DNAJC12: variants seen among roughly 807,000 people sequenced by gnomAD.
DNAJC12 encodes the protein DnaJ heat shock protein family (Hsp40) member C12, also known as dnaJ homolog subfamily C member 12.
Under a neutral mutation model 28.5 loss-of-function variants are expected in DNAJC12, and 25 were observed. The observed-to-expected ratio is 0.88, with a 90% confidence interval of 0.64 to 1.22. The LOEUF (loss-of-function observed/expected upper bound fraction) is 1.22, where lower values mean the gene tolerates loss of function less well. Ranked by LOEUF, DNAJC12 falls within the 50% of genes most tolerant of loss-of-function variation. The pLI is 0.00. For synonymous variants in DNAJC12, 77 were observed against 80.6 expected, an observed-to-expected ratio of 0.95 and a Z score of 0.24; for missense variants, 222 against 231.7, an observed-to-expected ratio of 0.96 and a Z score of 0.27.
chr10:67,805,924 A>C (rs1351081308), intron 3 of DNAJC12, 137 bp from the exon 4 acceptor site: 1 of 582,876 alleles, frequency 1.7e-6, no homozygotes, highest in Admixed American at 3.7e-5. Flanking sequence ...ACTATTAACA[A>C]GATACTCATA....
chr10:67,821,307 G>A (rs1159993879), intron 2 of DNAJC12, among the ~76,000 whole-genome samples: 5 of 151,882 alleles, frequency 3.3e-5, no homozygotes, highest in African/African-American at 7.2e-5. Flanking sequence ...ACCTGAGGAC[G>A]GGAGTTTGAG....
intron 1 of DNAJC12, among the ~76,000 whole-genome samples, chr10:67,827,007 A>T (rs1479449209): frequency 3.4e-5 from 5 of 148,468 alleles, no homozygotes; most frequent in Admixed American, 1.4e-4. Flanking sequence ...GCTTTTAAAT[A>T]GATAAAATTA....
Position 67,817,606 on chromosome 10 carries a change from G to T in DNAJC12, c.157+5708C>A, listed in dbSNP as rs577560376. Among the ~76,000 whole-genome samples, 6 of 152,298 alleles carry T rather than the reference G, an allele frequency of 3.9e-5. No homozygotes were observed. The East Asian group carries it at 9.6e-4, about 24-fold the overall frequency. ...TAAAGATATTTTGAGGCTGGGTGCA[G>T]TAGCTCACTCCTGTAATCCCAGCAC... On this transcript the variant is annotated intron_variant, in intron 2 of 4. Coordinates refer to ENST00000225171, the MANE Select transcript of DNAJC12 (RefSeq NM_021800.3).
At chr10:67,801,140 T>A (rs1014981421) in intron 4 of DNAJC12, among the ~76,000 whole-genome samples, 2 of 152,126 alleles carry the variant, frequency 1.3e-5, no homozygotes, top group Non-Finnish European at 2.9e-5. Context: ...TAGAATGTGG[T>A]GGGGGCTATT....
chr10:67,833,009 A>T (rs952481629), intron 1 of DNAJC12, among the ~76,000 whole-genome samples: 2 of 152,226 alleles, frequency 1.3e-5, no homozygotes, highest in African/African-American at 4.8e-5. Context: ...AAATTGAGGG[A>T]CATTCTACAA....
At chr10:67,798,181 C>T (rs1339927991) in intron 4 of DNAJC12, among the ~76,000 whole-genome samples, 1 of 151,684 alleles carries the variant, frequency 6.6e-6, no homozygotes, top group African/African-American at 2.4e-5. Flanking sequence ...ATTTTTTTTG[C>T]AAACCAAGAA....
chr10:67,811,795 A>G, intron 2 of DNAJC12, 132 bp from the exon 3 acceptor site: 1 of 1,449,612 alleles, frequency 6.9e-7, no homozygotes, highest in Non-Finnish European at 9.1e-7. Context: ...AATTTACCTC[A>G]TTAAGCTTTT....
chr10:67,811,236 T>G (rs1841855161), intron 3 of DNAJC12: 3 of 1,108,018 alleles, frequency 2.7e-6, no homozygotes, highest in South Asian at 8.0e-5. Flanking sequence ...AGTACATTTA[T>G]TAGAGCTCAT....
At chr10:67,836,433 A>G (rs1842143429) in intron 1 of DNAJC12, among the ~76,000 whole-genome samples, 1 of 151,938 alleles carries the variant, frequency 6.6e-6, no homozygotes, top group African/African-American at 2.4e-5. Flanking sequence ...CCCTTACTGT[A>G]TAAGCTAGCA....
chr10:67,835,247 C>T (rs1337427004), intron 1 of DNAJC12, among the ~76,000 whole-genome samples: 1 of 152,000 alleles, frequency 6.6e-6, no homozygotes, highest in African/African-American at 2.4e-5. Flanking sequence ...AAAATGCTTT[C>T]GGGCATGATG....
At chr10:67,810,270 C>A (rs1841846390) in intron 3 of DNAJC12, among the ~76,000 whole-genome samples, 1 of 152,120 alleles carries the variant, frequency 6.6e-6, no homozygotes, top group Non-Finnish European at 1.5e-5. Context: ...CAATCACCTC[C>A]CATCAGGACC....
At chr10:67,798,142 A>G (rs1030289293) in intron 4 of DNAJC12, among the ~76,000 whole-genome samples, 2 of 152,068 alleles carry the variant, frequency 1.3e-5, no homozygotes, top group African/African-American at 4.8e-5. Context: ...ATTTAACTCT[A>G]AGGATGTTTA....
intron 2 of DNAJC12, among the ~76,000 whole-genome samples, chr10:67,812,514 C>T (rs1042247315): frequency 6.6e-6 from 1 of 152,092 alleles, no homozygotes; most frequent in Non-Finnish European, 1.5e-5. Flanking sequence ...TTCTGCTCCT[C>T]AGTGAAGTAA....
chr10:67,811,889 C>A (rs1287965584), intron 2 of DNAJC12, among the ~76,000 whole-genome samples: 2 of 152,074 alleles, frequency 1.3e-5, no homozygotes, highest in East Asian at 3.9e-4. Context: ...GTGCCTCAGT[C>A]ATGTGCCAGA....
At chr10:67,826,731 GAT>G (rs1390057627) in intron 1 of DNAJC12, among the ~76,000 whole-genome samples, 1 of 90,904 alleles carries the variant, frequency 1.1e-5, no homozygotes, top group African/African-American at 3.8e-5. Context: ...GATATCTAAT[GAT>G]ATATATAATA....
chr10:67,826,432 C>A (rs765229285), intron 1 of DNAJC12, among the ~76,000 whole-genome samples: 1 of 147,568 alleles, frequency 6.8e-6, no homozygotes, highest in Non-Finnish European at 1.5e-5. Context: ...CCATGCCTGG[C>A]CTAAAGATGC....
At chr10:67,800,093 C>T (rs1319904116) in intron 4 of DNAJC12, among the ~76,000 whole-genome samples, 1 of 151,210 alleles carries the variant, frequency 6.6e-6, no homozygotes, top group Non-Finnish European at 1.5e-5. Flanking sequence ...TGTGGTGGTG[C>T]ACACCTGCAG....
intron 1 of DNAJC12, among the ~76,000 whole-genome samples, chr10:67,834,464 T>C (rs1486735340): frequency 6.6e-6 from 1 of 152,210 alleles, no homozygotes; most frequent in Non-Finnish European, 1.5e-5. Flanking sequence ...GTACTTTATA[T>C]ATCACGTATT....
rs143769107 is a variant in DNAJC12, at chr10:67,825,121, C to T, written c.79-1729G>A. ...ATGTGTCTAGGTTTACTCATCTTTA[C>T]ATCAGATGAATAATATAAGTAGCGC... On this transcript the variant is annotated intron_variant, in intron 1 of 4. Transcript: ENST00000225171. 4.1e-3 allele frequency among the ~76,000 whole-genome samples: 620 copies of T among 152,286 alleles called. 5 individuals carry two copies. The highest frequency in any genetic ancestry group is 0.014 in the African/African-American group (571 of 41,560).
Sources: allele counts gnomAD v4.1 joint callset (sites outside exome capture counted in the v4.1 genomes callset), GRCh38; gene constraint gnomAD v4.1.1; transcripts MANE v1.5; gene names NCBI Gene and HGNC (gene_info 2026-07-23, HGNC 2026-07-21).